Variants in PDE3B observed in about 807,000 individuals in gnomAD.
PDE3B encodes the protein cGMP-inhibited 3',5'-cyclic phosphodiesterase 3B.
Under a neutral mutation model 116.8 loss-of-function variants are expected in PDE3B, and 66 were observed. That is an observed-to-expected ratio of 0.56 (90% CI 0.46 to 0.69). The LOEUF is 0.69. PDE3B is among the 30% of genes least tolerant of loss of function. The probability of loss-of-function intolerance (pLI) is 0.00; values close to 1 mark genes in which losing one functional copy is unlikely to be tolerated. For synonymous variants in PDE3B, 595 were observed against 533.6 expected, an observed-to-expected ratio of 1.12 and a Z score of -1.59; for missense variants, 1,384 against 1,368.1, an observed-to-expected ratio of 1.01 and a Z score of -0.18.
intron 1 of PDE3B, among the ~76,000 whole-genome samples, chr11:14,712,215 A>G (rs1436597510): frequency 6.6e-6 from 1 of 151,984 alleles, no homozygotes; most frequent in Non-Finnish European, 1.5e-5. Flanking sequence ...CCTCCCAAGT[A>G]GCTAGGACTA....
At chr11:14,662,143 G>A (rs1590040529) in intron 1 of PDE3B, among the ~76,000 whole-genome samples, 1 of 152,120 alleles carries the variant, frequency 6.6e-6, no homozygotes, top group African/African-American at 2.4e-5. Flanking sequence ...CAACATTCAC[G>A]GTTCACAAAA....
At chr11:14,845,921 T>A (rs967503611) in intron 12 of PDE3B, among the ~76,000 whole-genome samples, 1 of 152,132 alleles carries the variant, frequency 6.6e-6, no homozygotes, top group Non-Finnish European at 1.5e-5. Flanking sequence ...CTCTGTAGGA[T>A]ATTATCCAGG....
chr11:14,776,059 C>T (rs570873668), intron 2 of PDE3B: 1 of 152,220 alleles, frequency 6.6e-6, no homozygotes, highest in African/African-American at 2.4e-5. Context: ...GGCTAGGGAC[C>T]CTAGTACAGG....
intron 7 of PDE3B, among the ~76,000 whole-genome samples, chr11:14,826,745 A>G (rs1377393382): frequency 3.9e-5 from 6 of 152,004 alleles, no homozygotes; most frequent in Middle Eastern, 3.4e-3. Flanking sequence ...GTAGTATTAC[A>G]AAAAACTGAA....
the PDE3B span, among the ~76,000 whole-genome samples, chr11:14,897,813 G>A: frequency 9.3e-3 from 1,418 of 152,172 alleles, 11 homozygotes; most frequent in Non-Finnish European, 0.015. Flanking sequence ...GCTCCAGACC[G>A]CCTCTGTTGC....
At chr11:14,756,428 G>T (rs1298503367) in intron 1 of PDE3B, among the ~76,000 whole-genome samples, 2 of 152,158 alleles carry the variant, frequency 1.3e-5, no homozygotes, top group Non-Finnish European at 2.9e-5. Context: ...CTCAAGAGGA[G>T]CTGTGGCTTT....
At chr11:14,673,492 C>A in intron 1 of PDE3B, 1 of 306,732 alleles carries the variant, frequency 3.3e-6, no homozygotes, top group South Asian at 3.8e-5. Context: ...TACACACTAA[C>A]ATCTTCAAAG....
chr11:14,811,082 G>A (rs1470086911), intron 5 of PDE3B, among the ~76,000 whole-genome samples: 4 of 152,198 alleles, frequency 2.6e-5, no homozygotes, highest in East Asian at 1.9e-4. Flanking sequence ...TTTGTCAGAT[G>A]AGTAGGTTGT....
At chr11:14,891,162 G>C in the PDE3B span, 6 of 985,456 alleles carry the variant, frequency 6.1e-6, no homozygotes, top group Non-Finnish European at 6.0e-6. Flanking sequence ...CACACAAGCG[G>C]TGGTCGCCTT....
At chr11:14,847,017 C>A (rs889776630) in intron 12 of PDE3B, among the ~76,000 whole-genome samples, 20 of 152,136 alleles carry the variant, frequency 1.3e-4, no homozygotes, top group African/African-American at 4.3e-4. Context: ...AACTCTCCAC[C>A]CCAAATCAAC....
At chr11:14,764,488 T>C (rs995203679) in intron 1 of PDE3B, among the ~76,000 whole-genome samples, 10 of 152,112 alleles carry the variant, frequency 6.6e-5, no homozygotes, top group Admixed American at 3.3e-4. Flanking sequence ...GTTGCTGTGA[T>C]GTTACATGTA....
chr11:14,727,048 G>A (rs958632171), intron 1 of PDE3B, among the ~76,000 whole-genome samples: 11 of 151,994 alleles, frequency 7.2e-5, no homozygotes, highest in African/African-American at 2.7e-4. Context: ...CTTTTTGCAA[G>A]GTGGCAAAGC....
At chr11:14,680,518 C>T (rs543389761) in intron 1 of PDE3B, among the ~76,000 whole-genome samples, 15 of 152,190 alleles carry the variant, frequency 9.9e-5, no homozygotes, top group Non-Finnish European at 1.9e-4. Context: ...AAAGTAGAAC[C>T]GGCAAGTTTG....
intron 1 of PDE3B, among the ~76,000 whole-genome samples, chr11:14,766,057 C>T (rs73418607): frequency 0.13 from 19,971 of 151,184 alleles, 1,516 homozygotes; most frequent in African/African-American, 0.2. Flanking sequence ...CTATGCATTC[C>T]GTATGCGTGG....
intron 1 of PDE3B, chr11:14,674,277 G>A (rs1456087300): frequency 7.2e-6 from 8 of 1,118,626 alleles, no homozygotes; most frequent in Non-Finnish European, 1.1e-5. Context: ...TCTTTCCTGG[G>A]GCAGCCCCTA....
At chr11:14,880,434 C>G in the PDE3B span, 1 of 1,613,392 alleles carries the variant, frequency 6.2e-7, no homozygotes, top group Non-Finnish European at 8.5e-7. Context: ...GGATGCCAAT[C>G]CATGGAAAGG....
intron 12 of PDE3B, among the ~76,000 whole-genome samples, chr11:14,852,349 C>G (rs1440977851): frequency 6.6e-6 from 1 of 152,208 alleles, no homozygotes; most frequent in African/African-American, 2.4e-5. Context: ...AGCTACCATG[C>G]CGGCCTACTC....
Position 14,859,141 on chromosome 11 carries a change from T to C in PDE3B, c.2619T>C (p.His873=). ...GCCCAGAATACAACTTCCTTCTTCATCTTGATCATGTGGAATTCAAGCGCT... is the reference window on the plus strand; with the variant it reads ...GCCCAGAATACAACTTCCTTCTTCACCTTGATCATGTGGAATTCAAGCGCT... ...LSRPEYNFLL[H]LDHVEFKRFR... Residue 873 remains histidine, a synonymous_variant, in exon 13 of 16, where the codon CAT becomes CAC. Coordinates refer to ENST00000282096, the MANE Select transcript of PDE3B (RefSeq NM_000922.4). 1 of 1,613,678 alleles carries C rather than the reference T, an allele frequency of 6.2e-7. No individual in the cohort carries two copies. The highest frequency in any genetic ancestry group is 8.5e-7 in the Non-Finnish European group (1 of 1,179,692).
chr11:14,880,720 A>C, the PDE3B span: 1 of 1,602,418 alleles, frequency 6.2e-7, no homozygotes, highest in Admixed American at 1.8e-5. Context: ...GTTTACAGCT[A>C]ATCGTCTGTG....
Sources: allele counts gnomAD v4.1 joint callset (sites outside exome capture counted in the v4.1 genomes callset), GRCh38; gene constraint gnomAD v4.1.1; transcripts MANE v1.5; gene names NCBI Gene and HGNC (gene_info 2026-07-23, HGNC 2026-07-21).